The following NDUFB7 variants were observed in gnomAD, a reference collection of about 807,000 sequenced individuals.
NDUFB7 encodes the protein NADH:ubiquinone oxidoreductase subunit B7.
Under a neutral mutation model 14.7 loss-of-function variants are expected in NDUFB7, and 18 were observed. That is an observed-to-expected ratio of 1.22 (90% CI 0.85 to 1.81). The LOEUF (loss-of-function observed/expected upper bound fraction) is 1.81. Ranked by LOEUF, NDUFB7 falls within the 40% of genes most tolerant of loss-of-function variation. NDUFB7 has a pLI of 0.00. For synonymous variants in NDUFB7, 86 were observed against 76.1 expected, an observed-to-expected ratio of 1.13 and a Z score of -0.68; for missense variants, 219 against 195.0, an observed-to-expected ratio of 1.12 and a Z score of -0.73.
rs1345483124 is a variant in NDUFB7 at position 14,566,757 on chromosome 19, GT to G, written c.281+7del. The G allele has an allele frequency of 1.9e-6, 3 of 1,540,770 alleles. No homozygotes were observed. The highest frequency in any genetic ancestry group is 2.6e-6 in the Non-Finnish European group (3 of 1,145,494). ...CGGGGTGTTGGGGGCTGGTGTGGGGGTGCTCACTCGCGGTGCTCGCAGTAGT... is the reference window on the plus strand; with the variant it reads ...CGGGGTGTTGGGGGCTGGTGTGGGGGGCTCACTCGCGGTGCTCGCAGTAGT... On this transcript the variant is annotated splice_region_variant and intron_variant, in intron 2 of 2. Coordinates refer to ENST00000215565, the MANE Select transcript of NDUFB7 (RefSeq NM_004146.6).
intron 1 of NDUFB7, among the ~76,000 whole-genome samples, chr19:14,569,479 G>T (rs112976371): frequency 2.6e-5 from 4 of 151,714 alleles, no homozygotes; most frequent in African/African-American, 9.7e-5. Context: ...TTATCTCCCC[G>T]CCCCCCATTA....
At chr19:14,571,801 C>T (rs538191076) in intron 1 of NDUFB7, 88 bp downstream of exon 1, 3 of 1,270,962 alleles carry the variant, frequency 2.4e-6, no homozygotes, top group African/African-American at 1.5e-5. Context: ...AGGTTAGAGC[C>T]CAGCCCTGGG....
chr19:14,569,163 G>A (rs2074110208), intron 1 of NDUFB7, among the ~76,000 whole-genome samples: 1 of 152,028 alleles, frequency 6.6e-6, no homozygotes, highest in African/African-American at 2.4e-5. Context: ...AGGAAAGAGA[G>A]GGCAGGGGAC....
chr19:14,571,317 C>T (rs1287155195), intron 1 of NDUFB7, among the ~76,000 whole-genome samples: 2 of 152,108 alleles, frequency 1.3e-5, no homozygotes, highest in African/African-American at 2.4e-5. Flanking sequence ...GGCCCGAGGC[C>T]GGGCGTGGTG....
chr19:14,572,052 C>A lies in NDUFB7; in HGVS notation c.-52G>T, dbSNP rs1271317309. 7.3e-7 allele frequency: 1 copy of A among 1,372,396 alleles called. No homozygotes were observed. Among genetic ancestry groups the A allele is most frequent in the Non-Finnish European group, 1.0e-6 (1 of 1,001,152 alleles). The allele number at this position is 1,372,396 out of a possible 1,614,324, so 85.0% of individuals were successfully genotyped here. On this transcript the variant is annotated 5_prime_UTR_variant, in exon 1 of 3. Coordinates refer to ENST00000215565, the MANE Select transcript of NDUFB7 (RefSeq NM_004146.6). ...GCAGCCGAGGGTCACCTAGCTCCTA[C>A]CCGGAACCACTGACCCCTCAGTCAG...
chr19:14,568,535 A>G (rs570225567), intron 1 of NDUFB7, among the ~76,000 whole-genome samples: 1 of 152,308 alleles, frequency 6.6e-6, no homozygotes, highest in African/African-American at 2.4e-5. Context: ...ATCAGCTAGC[A>G]GCAAGGACTT....
In NDUFB7 at chr19:14,566,864, T is replaced by C; in HGVS notation, c.182A>G (p.His61Arg). The change falls in exon 2 of 3, where the codon CAC (histidine) becomes CGC (arginine). Residue 61 changes from histidine to arginine, a missense_variant. Coordinates refer to ENST00000215565, the MANE Select transcript of NDUFB7 (RefSeq NM_004146.6). ...LRLQLRDYCA[H>R]HLIRLLKCKR... ...GCACTTGAGCAGCCGGATGAGGTGG[T>C]GGGCGCAGTAGTCCCGCAGCTGGAG... The C allele has an allele frequency of 6.4e-7, 1 of 1,572,380 alleles. No individual in the cohort carries two copies. The highest frequency in any genetic ancestry group is 1.2e-5 in the South Asian group (1 of 86,208).
chr19:14,566,344 G>A (rs2074084342), intron 2 of NDUFB7, 79 bp from the exon 3 acceptor site: 12 of 1,595,496 alleles, frequency 7.5e-6, no homozygotes, highest in South Asian at 4.4e-5. Context: ...CGGAGGGGCC[G>A]TCCCAGAGCA....
chr19:14,570,258 G>A (rs1170841370), intron 1 of NDUFB7, among the ~76,000 whole-genome samples: 1 of 151,778 alleles, frequency 6.6e-6, no homozygotes, highest in Non-Finnish European at 1.5e-5. Flanking sequence ...GGAGTGCAGT[G>A]GTGTGATCTC....
chr19:14,570,384 T>C (rs1180306909), intron 1 of NDUFB7, among the ~76,000 whole-genome samples: 1 of 151,778 alleles, frequency 6.6e-6, no homozygotes, highest in East Asian at 1.9e-4. Flanking sequence ...GTATTTTTAG[T>C]AGAGACAGGG....
chr19:14,569,218 GAGAA>G (rs1568437671), intron 1 of NDUFB7, among the ~76,000 whole-genome samples: 1 of 152,088 alleles, frequency 6.6e-6, no homozygotes, highest in African/African-American at 2.4e-5. Flanking sequence ...CGGGAGGTAA[GAGAA>G]AGGCCAGGCA....
chr19:14,571,105 C>T (rs2074122511), intron 1 of NDUFB7, among the ~76,000 whole-genome samples: 1 of 151,544 alleles, frequency 6.6e-6, no homozygotes, highest in Admixed American at 6.6e-5. Context: ...ATGCAATGAG[C>T]TGTGATTGTG....
At chr19:14,571,288 C>T (rs1419085734) in intron 1 of NDUFB7, among the ~76,000 whole-genome samples, 1 of 152,164 alleles carries the variant, frequency 6.6e-6, no homozygotes, top group Non-Finnish European at 1.5e-5. Flanking sequence ...CCCATGACTC[C>T]CCACGTCCCC....
rs773275807 is a variant in NDUFB7 at position 14,567,790 on chromosome 19, G to A, written c.113-857C>T. Among the ~76,000 whole-genome samples the A allele has an allele frequency of 2.0e-5, 3 of 152,076 alleles. No individual in the cohort carries two copies. Among genetic ancestry groups the A allele is most frequent in the East Asian group, 3.8e-4 (2 of 5,196 alleles). ...TCTCAATGGCAGTCGTCCCCTGCTG[G>A]CTTCTCTCCCCTTTGCTTCCCAGCT... On this transcript the variant is annotated intron_variant, in intron 1 of 2. Coordinates refer to ENST00000215565, the MANE Select transcript of NDUFB7 (RefSeq NM_004146.6). The surrounding 1 kb of genome is among the most constrained non-coding windows in gnomAD (Gnocchi z 5.1).
Position 14,570,436 on chromosome 19 carries a change from G to A in NDUFB7, c.112+1453C>T, listed in dbSNP as rs186402354. 2.0e-3 allele frequency among the ~76,000 whole-genome samples: 306 copies of A among 152,024 alleles called. 3 individuals are homozygous for A. The highest frequency in any genetic ancestry group is 0.014 in the South Asian group (67 of 4,816). ...AGGATGGTCTCAATCCCCTGACCTC[G>A]TGATCTGCCCGCCTCGGCCTCCCAA... On this transcript the variant is annotated intron_variant, in intron 1 of 2. Transcript: ENST00000215565.
rs1379530545 is a variant in NDUFB7 at position 14,567,354 on chromosome 19, TTTC to T, written c.113-424_113-422del. On this transcript the variant is annotated intron_variant, in intron 1 of 2. Transcript: ENST00000215565. The surrounding 1 kb of genome is among the most constrained non-coding windows in gnomAD (Gnocchi z 5.1). ...GGGGCTCCAGGCAGCACTCCCAGCCTTTCTTGTCTGCAACCCACCCAAGGCCCA... is the reference window on the plus strand; with the variant it reads ...GGGGCTCCAGGCAGCACTCCCAGCCTTTGTCTGCAACCCACCCAAGGCCCA... Among the ~76,000 whole-genome samples the T allele has an allele frequency of 6.6e-6, 1 of 152,032 alleles. No homozygotes were observed. Among genetic ancestry groups the T allele is most frequent in the Non-Finnish European group, 1.5e-5 (1 of 68,010 alleles).
intron 2 of NDUFB7, 63 bp downstream of exon 2, chr19:14,566,702 G>A (rs2074089806): frequency 1.4e-6 from 2 of 1,455,716 alleles, no homozygotes; most frequent in East Asian, 5.0e-5. Flanking sequence ...CCAGGGGTGT[G>A]GAAGGCTGGG....
chr19:14,572,058 A>G lies in NDUFB7; in HGVS notation c.-58T>C, dbSNP rs2074129497. On this transcript the variant is annotated 5_prime_UTR_variant, in exon 1 of 3. Transcript: ENST00000215565. ...GAGGGTCACCTAGCTCCTACCCGGA[A>G]CCACTGACCCCTCAGTCAGACACAG... 7.6e-7 allele frequency: 1 copy of G among 1,308,296 alleles called. No individual in the cohort carries two copies. Among genetic ancestry groups the G allele is most frequent in the African/African-American group, 1.5e-5 (1 of 67,278 alleles). 81.0% of individuals were successfully genotyped at this position (1,308,296 alleles called of 1,614,324 possible).
chr19:14,566,798 T>C lies in NDUFB7; in HGVS notation c.248A>G (p.Glu83Gly), dbSNP rs920768294. 1 of 1,546,792 alleles carries C rather than the reference T, an allele frequency of 6.5e-7. No homozygotes were observed. The highest frequency in any genetic ancestry group is 1.2e-5 in the South Asian group (1 of 83,986). ...SFPNFLACKQERHDWDYCEHR... is the reference protein window; with the variant it reads ...SFPNFLACKQGRHDWDYCEHR... ...CTCGCAGTAGTCCCAGTCGTGCCGC[T>C]CCTGCTTGCAGGCCAGGAAGTTGGG... Residue 83 changes from glutamate (E) to glycine (G), a missense_variant, in exon 2 of 3, where the codon GAG becomes GGG. Coordinates refer to ENST00000215565, the MANE Select transcript of NDUFB7 (RefSeq NM_004146.6).
Sources: allele counts gnomAD v4.1 joint callset (sites outside exome capture counted in the v4.1 genomes callset), GRCh38; gene constraint gnomAD v4.1.1; non-coding constraint Gnocchi (gnomAD v3.1); transcripts MANE v1.5; gene names NCBI Gene and HGNC (gene_info 2026-07-23, HGNC 2026-07-21).